Variants in GLI2 observed in about 807,000 individuals in gnomAD.
GLI2 encodes the protein transcription activator GLI2.
In GLI2, 22 loss-of-function variants were observed where a neutral mutation model predicts 78.9. The ratio of observed to expected loss-of-function variants is 0.28; its 90% CI spans 0.20 to 0.40. GLI2 has a LOEUF of 0.40. Ranked by LOEUF, GLI2 falls within the 10% of genes least tolerant of loss-of-function variation. GLI2 has a pLI of 1.00. For synonymous variants in GLI2, 974 were observed against 963.7 expected (o/e 1.01, Z -0.20); for missense variants, 2,097 against 2,213.2 (o/e 0.95, Z 1.05).
intron 1 of GLI2, among the ~76,000 whole-genome samples, chr2:120,752,569 C>G (rs1385504619): frequency 6.6e-6 from 1 of 151,966 alleles, no homozygotes; most frequent in Non-Finnish European, 1.5e-5. Flanking sequence ...GCACCTGGCC[C>G]TATCTTTAAT....
chr2:120,841,304 G>C (rs1686858001), intron 2 of GLI2, among the ~76,000 whole-genome samples: 1 of 152,110 alleles, frequency 6.6e-6, no homozygotes, highest in Non-Finnish European at 1.5e-5. Flanking sequence ...CTTGGACGAG[G>C]ACCAAGGCTT....
intron 3 of GLI2, among the ~76,000 whole-genome samples, chr2:120,929,553 A>G (rs6541745): frequency 0.87 from 132,457 of 152,234 alleles, 58,712 homozygotes; most frequent in East Asian, 1. Context: ...TTGGTTGTCT[A>G]TTGTTATGCA....
At chr2:120,918,721 G>A (rs1248627829) in intron 2 of GLI2, among the ~76,000 whole-genome samples, 7 of 152,196 alleles carry the variant, frequency 4.6e-5, no homozygotes, top group Admixed American at 3.9e-4. Context: ...GATTACAGGC[G>A]TGAGCCACTG....
intron 1 of GLI2, among the ~76,000 whole-genome samples, chr2:120,772,588 A>G (rs1200904543): frequency 6.6e-6 from 1 of 152,266 alleles, no homozygotes; most frequent in African/African-American, 2.4e-5. Context: ...GGGCCTGGCC[A>G]TAGGCCCAGA....
intron 2 of GLI2, among the ~76,000 whole-genome samples, chr2:120,848,320 T>G (rs1299467122): frequency 6.6e-6 from 1 of 152,192 alleles, no homozygotes; most frequent in Admixed American, 6.5e-5. Flanking sequence ...TAAGAGCTCC[T>G]TGGCGTTGGG....
chr2:120,769,033 C>T (rs1268281931), intron 1 of GLI2, among the ~76,000 whole-genome samples: 1 of 152,192 alleles, frequency 6.6e-6, no homozygotes, highest in African/African-American at 2.4e-5. Context: ...CCTGTGGCTT[C>T]TCAGTGATGA....
intron 2 of GLI2, among the ~76,000 whole-genome samples, chr2:120,878,408 T>TG (rs761751737): frequency 6.6e-6 from 1 of 152,228 alleles, no homozygotes; most frequent in Non-Finnish European, 1.5e-5. Flanking sequence ...AGTCACTTTA[T>TG]GGTGTTTAAA....
At chr2:120,910,701 C>T (rs1432328787) in intron 2 of GLI2, among the ~76,000 whole-genome samples, 1 of 152,184 alleles carries the variant, frequency 6.6e-6, no homozygotes, top group African/African-American at 2.4e-5. Flanking sequence ...AGAATGTTTT[C>T]GGAGCCAGGC....
At chr2:120,855,837 C>T (rs1243942451) in intron 2 of GLI2, among the ~76,000 whole-genome samples, 2 of 152,226 alleles carry the variant, frequency 1.3e-5, no homozygotes, top group Non-Finnish European at 2.9e-5. Context: ...CCCTGGCTCT[C>T]TGACCCTGGG....
chr2:120,970,244 G>T (rs1392993391), intron 6 of GLI2, 149 bp from the exon 7 acceptor site: 5 of 628,508 alleles, frequency 8.0e-6, no homozygotes, highest in Non-Finnish European at 5.8e-6. Flanking sequence ...AGCCACAGCT[G>T]GTTCTTGAGT....
intron 3 of GLI2, among the ~76,000 whole-genome samples, chr2:120,947,644 G>T (rs1452123446): frequency 6.6e-6 from 1 of 152,184 alleles, no homozygotes; most frequent in Non-Finnish European, 1.5e-5. Flanking sequence ...GAAGGAAAGG[G>T]AGTTAATGCA....
chr2:120,947,355 T>C (rs944301761), intron 3 of GLI2, among the ~76,000 whole-genome samples: 9 of 152,244 alleles, frequency 5.9e-5, no homozygotes, highest in Admixed American at 5.2e-4. Flanking sequence ...GTGCCTGTGT[T>C]GTGAATGTTT....
At chr2:120,889,075 A>G (rs1037197229) in intron 2 of GLI2, among the ~76,000 whole-genome samples, 1 of 152,138 alleles carries the variant, frequency 6.6e-6, no homozygotes, top group Non-Finnish European at 1.5e-5. Flanking sequence ...GCGCTGCAGG[A>G]CCGCGGAGAA....
chr2:120,790,225 C>CG (rs1684108663), intron 1 of GLI2, among the ~76,000 whole-genome samples: 1 of 152,196 alleles, frequency 6.6e-6, no homozygotes, highest in Non-Finnish European at 1.5e-5. Context: ...CATAGAGAAA[C>CG]AGGGGGGTCT....
intron 2 of GLI2, among the ~76,000 whole-genome samples, chr2:120,899,243 G>A (rs1352784425): frequency 1.3e-5 from 2 of 152,172 alleles, no homozygotes; most frequent in Admixed American, 1.3e-4. Flanking sequence ...ACAAGCAGGC[G>A]TCTTGGTGGG....
intron 1 of GLI2, among the ~76,000 whole-genome samples, chr2:120,768,610 A>G (rs759950753): frequency 3.3e-5 from 5 of 152,164 alleles, no homozygotes; most frequent in African/African-American, 4.8e-5. Context: ...CTCCTCAACT[A>G]TGGAAGGGAG....
intron 1 of GLI2, among the ~76,000 whole-genome samples, chr2:120,779,762 C>T (rs1683783039): frequency 1.3e-5 from 2 of 152,228 alleles, no homozygotes; most frequent in Non-Finnish European, 2.9e-5. Flanking sequence ...CGGGGTCAGA[C>T]ACTAGGGCGG....
At chr2:120,843,581 C>A (rs143261229) in intron 2 of GLI2, among the ~76,000 whole-genome samples, 1 of 152,312 alleles carries the variant, frequency 6.6e-6, no homozygotes, top group East Asian at 1.9e-4. Context: ...TGGTTAAGGT[C>A]TGTGTAGTGG....
intron 2 of GLI2, among the ~76,000 whole-genome samples, chr2:120,842,134 T>A (rs1396308183): frequency 1.3e-5 from 2 of 150,368 alleles, no homozygotes; most frequent in African/African-American, 4.9e-5. Context: ...CAGGAGTTAC[T>A]AAAGGTTATA....
Sources: gnomAD v4.1 joint callset for allele counts (sites outside exome capture counted in the v4.1 genomes callset) on GRCh38, gnomAD v4.1.1 for gene constraint, MANE v1.5 for transcripts, NCBI Gene and HGNC (gene_info 2026-07-23, HGNC 2026-07-21) for gene names.